ABCA13: variants seen among roughly 807,000 people sequenced by gnomAD.
The protein encoded by ABCA13 is ATP-binding cassette sub-family A member 13.
ABCA13 carries 476 observed loss-of-function variants against 478.7 expected under a neutral mutation model. That is an observed-to-expected ratio of 0.99 (90% confidence interval 0.92 to 1.07). ABCA13 has a LOEUF of 1.07. ABCA13 is among the 50% of genes least tolerant of loss of function. The pLI is 0.00. For synonymous variants in ABCA13, 2,252 were observed against 2,158.9 expected (o/e 1.04, Z -1.20); for missense variants, 6,060 against 5,910.6 (o/e 1.03, Z -0.83).
At chr7:48,311,633 T>A (rs570552291) in intron 24 of ABCA13, among the ~76,000 whole-genome samples, 2 of 152,276 alleles carry the variant, frequency 1.3e-5, no homozygotes, top group South Asian at 4.2e-4. Context: ...GATAAGATAG[T>A]GGGTTGGATT....
chr7:48,571,817 A>C (rs1787678749), intron 55 of ABCA13, among the ~76,000 whole-genome samples: 1 of 152,202 alleles, frequency 6.6e-6, no homozygotes, highest in Non-Finnish European at 1.5e-5. Flanking sequence ...ATAATGTTGA[A>C]TAGAAGAGGT....
chr7:48,231,944 G>A (rs1266922802), intron 7 of ABCA13, among the ~76,000 whole-genome samples: 1 of 152,066 alleles, frequency 6.6e-6, no homozygotes, highest in Non-Finnish European at 1.5e-5. Flanking sequence ...TTACAGGCGT[G>A]AGCCACTGCG....
chr7:48,304,046 G>A (rs1019668963), intron 23 of ABCA13, among the ~76,000 whole-genome samples: 8 of 152,062 alleles, frequency 5.3e-5, no homozygotes, highest in Non-Finnish European at 1.0e-4. Flanking sequence ...TGACTGTATC[G>A]ACATGGTTTC....
At chr7:48,374,105 G>T (rs1222939108) in intron 33 of ABCA13, among the ~76,000 whole-genome samples, 1 of 152,028 alleles carries the variant, frequency 6.6e-6, no homozygotes, top group Non-Finnish European at 1.5e-5. Flanking sequence ...CAAGCATCTC[G>T]GTAAAGAGAA....
intron 1 of ABCA13, among the ~76,000 whole-genome samples, chr7:48,176,826 C>T (rs1052972133): frequency 2.0e-5 from 3 of 152,094 alleles, no homozygotes; most frequent in African/African-American, 2.4e-5. Context: ...TGTAAAGAAA[C>T]ATATTCTTAA....
At chr7:48,573,422 G>A (rs1450560915) in intron 55 of ABCA13, among the ~76,000 whole-genome samples, 2 of 151,882 alleles carry the variant, frequency 1.3e-5, no homozygotes, top group African/African-American at 2.4e-5. Context: ...CTGTCTGGGT[G>A]CAGTGGCTCA....
At chr7:48,514,341 A>T (rs2130928162) in intron 51 of ABCA13, among the ~76,000 whole-genome samples, 2 of 152,334 alleles carry the variant, frequency 1.3e-5, no homozygotes, top group Middle Eastern at 6.8e-3. Flanking sequence ...TTGTTAAAGG[A>T]GCAGAGAAAG....
At chr7:48,300,841 G>A (rs924506092) in intron 23 of ABCA13, among the ~76,000 whole-genome samples, 1 of 152,164 alleles carries the variant, frequency 6.6e-6, no homozygotes. Context: ...CCAGCCTTCT[G>A]TCCTGGGTTT....
intron 58 of ABCA13, among the ~76,000 whole-genome samples, chr7:48,613,991 A>C (rs1792288462): frequency 6.7e-6 from 1 of 148,664 alleles, no homozygotes; most frequent in Non-Finnish European, 1.5e-5. Flanking sequence ...GCACCATATT[A>C]AAATACAACT....
chr7:48,353,852 CAG>C lies in ABCA13; in HGVS notation c.10688+1366_10688+1367del, dbSNP rs1439424231. Among the ~76,000 whole-genome samples, 9 of 152,124 alleles carry C rather than the reference CAG, an allele frequency of 5.9e-5. No individual in the cohort carries two copies. The South Asian group carries it at 1.7e-3, about 28-fold the overall frequency. On this transcript the variant is annotated intron_variant, in intron 31 of 61. Transcript: ENST00000435803. ...AAGAGACTAAGGCGACATTTTCACT[CAG>C]GGGCTGCCTTGTTAGGCAGACTGTT...
At chr7:48,605,536 G>C (rs1791379123) in intron 58 of ABCA13, among the ~76,000 whole-genome samples, 1 of 152,122 alleles carries the variant, frequency 6.6e-6, no homozygotes, top group Non-Finnish European at 1.5e-5. Context: ...GCTGAATATT[G>C]TCCCCCATTC....
intron 3 of ABCA13, among the ~76,000 whole-genome samples, chr7:48,213,324 A>T (rs1030052871): frequency 6.6e-6 from 1 of 152,228 alleles, no homozygotes; most frequent in Admixed American, 6.5e-5. Context: ...GAGTCACATA[A>T]ATTTTTTAGT....
intron 55 of ABCA13, among the ~76,000 whole-genome samples, chr7:48,529,860 A>G (rs1405958448): frequency 6.6e-6 from 1 of 152,208 alleles, no homozygotes; most frequent in Non-Finnish European, 1.5e-5. Context: ...TGCTCTTATC[A>G]GTAATTAATG....
Position 48,612,472 on chromosome 7 carries a change from T to C in ABCA13, c.14745-2813T>C, listed in dbSNP as rs892579191. 3.3e-5 allele frequency among the ~76,000 whole-genome samples: 5 copies of C among 152,238 alleles called. No individual in the cohort carries two copies. In the South Asian group the frequency reaches 6.2e-4, roughly 19 times the overall value. Reference sequence around the variant, plus strand: ...TTTTGAGATATTGACAGTCATACTTTTTTGTGTGTTTTTCTTACTAGGTAG... The same window carrying C: ...TTTTGAGATATTGACAGTCATACTTCTTTGTGTGTTTTTCTTACTAGGTAG... On this transcript the variant is annotated intron_variant, in intron 58 of 61. Transcript: ENST00000435803.
chr7:48,192,933 A>ATTTTT, intron 1 of ABCA13, 26 bp from the exon 2 acceptor site: 1 of 1,249,756 alleles, frequency 8.0e-7, no homozygotes, highest in Non-Finnish European at 1.1e-6. Flanking sequence ...TATTCAGGTG[A>ATTTTT]TTTTTTTTTT....
intron 47 of ABCA13, 101 bp from the exon 48 acceptor site, chr7:48,489,135 G>A (rs17730186): frequency 0.15 from 139,345 of 934,214 alleles, 11,744 homozygotes; most frequent in East Asian, 0.31. Context: ...AGGTGCCTTG[G>A]AAGTTAATTG....
At position 48,455,111 on chromosome 7, in the gene ABCA13, C is replaced by T; in HGVS notation, c.12640C>T (p.Arg4214Trp). 6.4e-7 allele frequency: 1 copy of T among 1,557,672 alleles called. No individual in the cohort carries two copies. Among genetic ancestry groups the T allele is most frequent in the Middle Eastern group, 1.7e-4 (1 of 5,974 alleles). The change falls in exon 43 of 62, where the codon CGG (arginine) becomes TGG (tryptophan). Residue 4214 changes from arginine to tryptophan, a missense_variant. Around this residue, in one of 3 missense-constraint regions of ABCA13, gnomAD observed 1,627 missense variants for 1,571.0 expected, o/e 1.04. Transcript: ENST00000435803. ...LRAQVAAILA[R>W]RLRRTLRAGK... ...CGCACAAGTGGCCGCGATCCTGGCC[C>T]GGAGGCTCCGCCGCACGCTGCGCGC... is the stretch of plus-strand genomic sequence containing the variant.
rs142445799 is a variant in ABCA13 at position 48,343,841 on chromosome 7, G to A, written c.10204+5386G>A. Among the ~76,000 whole-genome samples the A allele has an allele frequency of 3.2e-3, 487 of 152,210 alleles. 2 individuals carry two copies. Among genetic ancestry groups the A allele is most frequent in the Non-Finnish European group, 5.2e-3 (352 of 68,014 alleles). ...CCCACATTGTCCTCCATTACTCTAAGTGGGGTTTCCTCAATATGACCTTTC... is the reference window on the plus strand; with the variant it reads ...CCCACATTGTCCTCCATTACTCTAAATGGGGTTTCCTCAATATGACCTTTC... On this transcript the variant is annotated intron_variant, in intron 29 of 61. Transcript: ENST00000435803.
chr7:48,591,877 T>C (rs1289501113), intron 57 of ABCA13, among the ~76,000 whole-genome samples: 1 of 151,966 alleles, frequency 6.6e-6, no homozygotes, highest in East Asian at 1.9e-4. Context: ...GTGGAGTCTA[T>C]AGTGTTTTCT....
Sources: allele counts gnomAD v4.1 joint callset (sites outside exome capture counted in the v4.1 genomes callset), GRCh38; gene constraint gnomAD v4.1.1; regional missense constraint gnomAD v4.1.1; transcripts MANE v1.5; gene names NCBI Gene and HGNC (gene_info 2026-07-23, HGNC 2026-07-21).